Variants in ABCA6 observed in about 807,000 individuals in gnomAD.
ABCA6 encodes the protein ATP-binding cassette sub-family A member 6.
Under a neutral mutation model 191.2 loss-of-function variants are expected in ABCA6, and 164 were observed. The ratio of observed to expected loss-of-function variants is 0.86; its 90% CI spans 0.76 to 0.98. ABCA6 has a LOEUF of 0.98. Ranked by LOEUF, ABCA6 falls within the 50% of genes least tolerant of loss-of-function variation. The pLI, the probability that ABCA6 is intolerant of heterozygous loss-of-function variation, is 0.00. For missense variants in ABCA6, 1,958 were observed against 1,894.1 expected (o/e 1.03, Z -0.63); for synonymous variants, 636 against 647.7 (o/e 0.98, Z 0.27).
intron 8 of ABCA6, among the ~76,000 whole-genome samples, chr17:69,125,615 C>T (rs1019533130): frequency 6.6e-6 from 1 of 151,958 alleles, no homozygotes; most frequent in African/African-American, 2.4e-5. Context: ...TAAGGCACAG[C>T]GAAGTTGAGT....
Position 69,100,731 on chromosome 17 carries a change from AAG to A in ABCA6, c.3012+64_3012+65del, listed in dbSNP as rs1328945264. On this transcript the variant is annotated intron_variant, in intron 22 of 38. Coordinates refer to ENST00000284425, the MANE Select transcript of ABCA6 (RefSeq NM_080284.3). ...ATCACTTATGGATATTTAAAAGCTA[AAG>A]AGAGAAAACATAGGCTATTTGTCCA... 4.8e-6 allele frequency: 7 copies of A among 1,448,386 alleles called. No homozygotes were observed. The East Asian group carries it at 1.7e-4, about 35-fold the overall frequency. 89.7% of individuals were successfully genotyped at this position (1,448,386 alleles called of 1,614,324 possible). A position where few individuals can be genotyped will look rare whatever the true frequency, so the allele number is the denominator to read the frequency against.
rs957148880 is a variant in ABCA6 at position 69,114,647 on chromosome 17, C to T, written c.1782+115G>A. On this transcript the variant is annotated intron_variant, in intron 13 of 38. Coordinates refer to ENST00000284425, the MANE Select transcript of ABCA6 (RefSeq NM_080284.3). The stretch of plus-strand genomic sequence containing the variant: ...GCAGTCGATATTTGTTATGGGACCT[C>T]TTTGCCTAAATTTTATTCATAACAG... 15 of 1,059,954 alleles carry T rather than the reference C, an allele frequency of 1.4e-5. No individual in the cohort carries two copies. In the African/African-American group the frequency reaches 2.4e-4, roughly 17 times the overall value. 65.7% of individuals were successfully genotyped at this position (1,059,954 alleles called of 1,614,324 possible). A position where few individuals can be genotyped will look rare whatever the true frequency, so the allele number is the denominator to read the frequency against.
chr17:69,097,770 C>G (rs2073082714), intron 23 of ABCA6, 150 bp downstream of exon 23: 5 of 532,234 alleles, frequency 9.4e-6, no homozygotes, highest in Non-Finnish European at 9.1e-6. Flanking sequence ...AGTAAATTAT[C>G]TGACTTGCCA....
chr17:69,121,954 G>T (rs1401504805), intron 10 of ABCA6, among the ~76,000 whole-genome samples: 1 of 151,952 alleles, frequency 6.6e-6, no homozygotes, highest in African/African-American at 2.4e-5. Context: ...CGGAAAATTG[G>T]TTAAGAACTA....
intron 10 of ABCA6, among the ~76,000 whole-genome samples, chr17:69,118,248 G>T (rs888957783): frequency 6.6e-6 from 1 of 152,004 alleles, no homozygotes; most frequent in Non-Finnish European, 1.5e-5. Flanking sequence ...AGAACAGTTG[G>T]TTCTTCCCCC....
At chr17:69,088,734 A>G (rs931987273) in intron 27 of ABCA6, among the ~76,000 whole-genome samples, 15 of 152,192 alleles carry the variant, frequency 9.9e-5, no homozygotes, top group Admixed American at 9.8e-4. Context: ...GTAGAGTCAA[A>G]GCCTTTAGAG....
At chr17:69,095,284 T>C (rs2144632862) in intron 25 of ABCA6, 1 of 188,486 alleles carries the variant, frequency 5.3e-6, no homozygotes, top group Non-Finnish European at 1.2e-5. Flanking sequence ...TCAAAGCCAG[T>C]TTTTCCGAGT....
chr17:69,101,246 T>A (rs1014167608), intron 21 of ABCA6, among the ~76,000 whole-genome samples: 1 of 152,144 alleles, frequency 6.6e-6, no homozygotes, highest in Admixed American at 6.6e-5. Context: ...GGAAATTTCA[T>A]TTAGTAGAGT....
intron 30 of ABCA6, among the ~76,000 whole-genome samples, chr17:69,086,414 C>T (rs1366963255): frequency 2.0e-5 from 3 of 151,228 alleles, no homozygotes; most frequent in Non-Finnish European, 4.4e-5. Flanking sequence ...ACTGTTTCCT[C>T]TACCTGGATG....
intron 6 of ABCA6, among the ~76,000 whole-genome samples, chr17:69,132,922 A>G (rs2073890412): frequency 6.6e-6 from 1 of 151,796 alleles, no homozygotes; most frequent in African/African-American, 2.4e-5. Context: ...ATGCTCATGT[A>G]TGCATACATA....
chr17:69,096,855 A>G (rs1284931926), intron 23 of ABCA6, 54 bp from the exon 24 acceptor site: 3 of 1,366,122 alleles, frequency 2.2e-6, no homozygotes, highest in Non-Finnish European at 1.9e-6. Context: ...ATTAAAATGC[A>G]AATCTAAAAT....
At chr17:69,102,117 G>A (rs768639956) in intron 21 of ABCA6, among the ~76,000 whole-genome samples, 3 of 152,116 alleles carry the variant, frequency 2.0e-5, no homozygotes, top group Non-Finnish European at 4.4e-5. Context: ...AGGCCAAGGC[G>A]GGAGGATCAC....
chr17:69,113,523 A>T (rs771680400), intron 14 of ABCA6, 95 bp downstream of exon 14: 307 of 1,590,054 alleles, frequency 1.9e-4, no homozygotes, highest in Non-Finnish European at 2.5e-4. Context: ...CTCTTGATGC[A>T]TTACAATGAA....
At chr17:69,137,546 A>G in intron 2 of ABCA6, 46 bp from the exon 3 acceptor site, 1 of 1,552,680 alleles carries the variant, frequency 6.4e-7, no homozygotes, top group Non-Finnish European at 8.8e-7. Context: ...GGTTGCATTC[A>G]CTTAAAGATC....
chr17:69,082,572 T>C (rs1034390205), intron 36 of ABCA6, among the ~76,000 whole-genome samples: 6 of 152,308 alleles, frequency 3.9e-5, no homozygotes, highest in Admixed American at 6.5e-5. Context: ...AAGGACACCA[T>C]TGTGGTCCTG....
At chr17:69,090,643 A>C (rs1011198261) in intron 26 of ABCA6, among the ~76,000 whole-genome samples, 26 of 152,200 alleles carry the variant, frequency 1.7e-4, no homozygotes, top group African/African-American at 6.0e-4. Flanking sequence ...TGGGAAAGTC[A>C]GGACTGTGCT....
chr17:69,084,228 A>G (rs1196538302), intron 34 of ABCA6, 33 bp downstream of exon 34: 2 of 1,602,834 alleles, frequency 1.2e-6, no homozygotes, highest in Non-Finnish European at 1.7e-6. Context: ...CCTAATGTGC[A>G]TGCTCGCAGC....
intron 21 of ABCA6, among the ~76,000 whole-genome samples, chr17:69,101,682 C>T (rs569059578): frequency 1.1e-4 from 17 of 151,706 alleles, no homozygotes; most frequent in Non-Finnish European, 2.5e-4. Context: ...AAATATTCAT[C>T]CTTACCCTGC....
At chr17:69,128,430 T>C (rs1324560882) in intron 8 of ABCA6, among the ~76,000 whole-genome samples, 189 bp downstream of exon 8, 1 of 152,028 alleles carries the variant, frequency 6.6e-6, no homozygotes, top group Non-Finnish European at 1.5e-5. Flanking sequence ...TCTGAAGGAT[T>C]TTTTTAAATT....
Sources: gnomAD v4.1 joint callset for allele counts (sites outside exome capture counted in the v4.1 genomes callset) on GRCh38, gnomAD v4.1.1 for gene constraint, MANE v1.5 for transcripts, NCBI Gene and HGNC (gene_info 2026-07-23, HGNC 2026-07-21) for gene names.